Variants in PRKN observed in about 807,000 individuals in gnomAD.
PRKN encodes E3 ubiquitin-protein ligase parkin.
A neutral mutation model predicts 59.5 loss-of-function variants in PRKN; 56 were observed. The ratio of observed to expected loss-of-function variants is 0.94; its 90% CI spans 0.76 to 1.18. The LOEUF is 1.18. Ranked by LOEUF, PRKN falls within the 50% of genes most tolerant of loss-of-function variation. The pLI is 0.00. For synonymous variants in PRKN, 250 were observed against 222.1 expected (o/e 1.13, Z -1.12); for missense variants, 657 against 596.4 (o/e 1.10, Z -1.06).
At chr6:162,113,163 T>C (rs1780514913) in intron 4 of PRKN, among the ~76,000 whole-genome samples, 1 of 152,216 alleles carries the variant, frequency 6.6e-6, no homozygotes, top group South Asian at 2.1e-4. Context: ...TGATCATTTC[T>C]ATGTATTAAG....
chr6:161,369,894 C>A lies in PRKN; in HGVS notation c.1168-9689G>T. ...TCAGAAAGGTAAAGGCATGATCGTCCATCTGTGGCTCAAGAGGAATAACCT... is the reference window on the plus strand; with the variant it reads ...TCAGAAAGGTAAAGGCATGATCGTCAATCTGTGGCTCAAGAGGAATAACCT... On this transcript the variant is annotated intron_variant, in intron 10 of 11. Transcript: ENST00000366898. The surrounding 1 kb of genome is among the most constrained non-coding windows in gnomAD (Gnocchi z 5.8). 5.7e-6 allele frequency: 2 copies of A among 350,578 alleles called. No homozygotes were observed. The highest frequency in any genetic ancestry group is 2.1e-5 in the South Asian group (1 of 47,956). 21.7% of individuals were successfully genotyped at this position (350,578 alleles called of 1,614,324 possible). A position where few individuals can be genotyped will look rare whatever the true frequency, so the allele number is the denominator to read the frequency against.
At chr6:162,245,396 T>A (rs1447930989) in intron 3 of PRKN, among the ~76,000 whole-genome samples, 1 of 152,070 alleles carries the variant, frequency 6.6e-6, no homozygotes, top group African/African-American at 2.4e-5. Context: ...AAGACACTAA[T>A]TTTTCCAAAG....
chr6:161,641,186 A>G (rs1326728474), intron 7 of PRKN, among the ~76,000 whole-genome samples: 1 of 152,226 alleles, frequency 6.6e-6, no homozygotes, highest in Admixed American at 6.5e-5. Context: ...CTGCCTAGGG[A>G]CTAGACTGCT....
At chr6:161,476,618 C>T (rs954387548) in intron 9 of PRKN, among the ~76,000 whole-genome samples, 1 of 152,192 alleles carries the variant, frequency 6.6e-6, no homozygotes, top group Non-Finnish European at 1.5e-5. Flanking sequence ...TTAAAAATGG[C>T]TCCCAGGAAA....
intron 9 of PRKN, among the ~76,000 whole-genome samples, chr6:161,406,098 A>T (rs1787258880): frequency 6.6e-6 from 1 of 151,892 alleles, no homozygotes; most frequent in South Asian, 2.1e-4. Context: ...TTGTTCCTTT[A>T]TACATACGTA....
intron 5 of PRKN, among the ~76,000 whole-genome samples, chr6:162,048,281 T>C (rs923741328): frequency 6.6e-6 from 1 of 152,144 alleles, no homozygotes. Flanking sequence ...ATTTATTACT[T>C]TAAAGAGATC....
intron 7 of PRKN, among the ~76,000 whole-genome samples, chr6:161,749,636 C>CCCATG (rs1396341978): frequency 6.6e-6 from 1 of 152,018 alleles, no homozygotes; most frequent in African/African-American, 2.4e-5. Flanking sequence ...TTCCTGTAGC[C>CCCATG]CCATGGTACA....
At chr6:161,897,553 A>C (rs539787918) in intron 6 of PRKN, among the ~76,000 whole-genome samples, 1 of 152,292 alleles carries the variant, frequency 6.6e-6, no homozygotes, top group East Asian at 1.9e-4. Flanking sequence ...TACAATTTCA[A>C]ATGATAAATA....
chr6:162,036,307 G>C lies in PRKN; in HGVS notation c.618+17784C>G, dbSNP rs932946572. Among the ~76,000 whole-genome samples the C allele has an allele frequency of 7.2e-5, 11 of 151,882 alleles. No homozygotes were observed. In the East Asian group the frequency reaches 9.7e-4, roughly 13 times the overall value. ...CCACTGCACTCCAGCCTGGGCAACAGAGCGAGACCCCGTCTCAAAACAAAA... is the reference window on the plus strand; with the variant it reads ...CCACTGCACTCCAGCCTGGGCAACACAGCGAGACCCCGTCTCAAAACAAAA... On this transcript the variant is annotated intron_variant, in intron 5 of 11. Coordinates refer to ENST00000366898, the MANE Select transcript of PRKN (RefSeq NM_004562.3).
At chr6:161,813,918 A>G (rs1371710026) in intron 6 of PRKN, among the ~76,000 whole-genome samples, 1 of 152,228 alleles carries the variant, frequency 6.6e-6, no homozygotes, top group Admixed American at 6.5e-5. Flanking sequence ...TTGTCATTAA[A>G]GCATCTAGAA....
chr6:162,024,908 C>T (rs767791708), intron 5 of PRKN, among the ~76,000 whole-genome samples: 8 of 151,998 alleles, frequency 5.3e-5, no homozygotes, highest in Non-Finnish European at 5.9e-5. Context: ...ATAGTCAGCA[C>T]GTGCACCAAA....
intron 7 of PRKN, among the ~76,000 whole-genome samples, chr6:161,649,090 C>T (rs1472239506): frequency 6.6e-6 from 1 of 152,158 alleles, no homozygotes; most frequent in Non-Finnish European, 1.5e-5. Flanking sequence ...CAAAGCATTG[C>T]TACATTTGTC....
At chr6:162,439,002 T>C (rs1294432763) in intron 2 of PRKN, among the ~76,000 whole-genome samples, 1 of 152,216 alleles carries the variant, frequency 6.6e-6, no homozygotes, top group Non-Finnish European at 1.5e-5. Flanking sequence ...CTTTGCCATT[T>C]GGACCGTGTC....
chr6:162,233,297 T>C lies in PRKN; in HGVS notation c.412+29228A>G, dbSNP rs555703367. On this transcript the variant is annotated intron_variant, in intron 3 of 11. Transcript: ENST00000366898. The stretch of plus-strand genomic sequence containing the variant: ...ATAGACATTTTTAAAGCAAAGCATA[T>C]GCAAGTATTTCTATATGATACATTA... Among the ~76,000 whole-genome samples the C allele has an allele frequency of 1.1e-4, 16 of 152,292 alleles. No homozygotes were observed. In the South Asian group the frequency reaches 2.9e-3, roughly 28 times the overall value.
chr6:161,736,198 T>C (rs1202475262), intron 7 of PRKN, among the ~76,000 whole-genome samples: 1 of 152,192 alleles, frequency 6.6e-6, no homozygotes, highest in African/African-American at 2.4e-5. Flanking sequence ...CAAAATCTCA[T>C]GGCAAGGCTG....
chr6:162,015,930 A>G (rs1782917649), intron 5 of PRKN, among the ~76,000 whole-genome samples: 1 of 152,178 alleles, frequency 6.6e-6, no homozygotes, highest in Non-Finnish European at 1.5e-5. Context: ...ACTGAAGTTC[A>G]TTTACACGAA....
chr6:161,479,178 G>A (rs1163199766), intron 9 of PRKN, among the ~76,000 whole-genome samples: 3 of 152,158 alleles, frequency 2.0e-5, no homozygotes, highest in African/African-American at 7.2e-5. Context: ...TGTGTGGTAG[G>A]TGATTACTTC....
intron 2 of PRKN, among the ~76,000 whole-genome samples, chr6:162,435,388 C>G (rs937123757): frequency 5.3e-5 from 8 of 151,774 alleles, no homozygotes; most frequent in Non-Finnish European, 1.0e-4. Context: ...TGATGGCAAT[C>G]CTCAGAGATG....
chr6:162,616,899 A>G (rs541064642), intron 1 of PRKN, among the ~76,000 whole-genome samples: 2 of 152,318 alleles, frequency 1.3e-5, no homozygotes, highest in East Asian at 3.9e-4. Flanking sequence ...ACTTAAAAAC[A>G]AAGTATTTAT....
Sources: gnomAD v4.1 joint callset for allele counts (sites outside exome capture counted in the v4.1 genomes callset) on GRCh38, gnomAD v4.1.1 for gene constraint, Gnocchi (gnomAD v3.1) non-coding constraint, MANE v1.5 for transcripts, NCBI Gene and HGNC (gene_info 2026-07-23, HGNC 2026-07-21) for gene names.